MEGF11: variants seen among roughly 807,000 people sequenced by gnomAD.
MEGF11 encodes multiple epidermal growth factor-like domains protein 11.
MEGF11 carries 126 observed loss-of-function variants against 146.6 expected under a neutral mutation model. The ratio of observed to expected loss-of-function variants is 0.86; its 90% confidence interval spans 0.74 to 1.00. The LOEUF (loss-of-function observed/expected upper bound fraction) is 1.00. Ranked by LOEUF, MEGF11 falls within the 50% of genes least tolerant of loss-of-function variation. The pLI is 0.00. For synonymous variants in MEGF11, 532 were observed against 583.4 expected, an observed-to-expected ratio of 0.91 and a Z score of 1.27; for missense variants, 1,509 against 1,521.2, an observed-to-expected ratio of 0.99 and a Z score of 0.13.
At chr15:65,963,567 C>T (rs1044317290) in intron 9 of MEGF11, among the ~76,000 whole-genome samples, 2 of 152,048 alleles carry the variant, frequency 1.3e-5, no homozygotes, top group African/African-American at 4.8e-5. Flanking sequence ...CTATGCCTCA[C>T]TACTGGTATT....
At chr15:65,913,592 G>T in intron 20 of MEGF11, 145 bp downstream of exon 20, 1 of 707,440 alleles carries the variant, frequency 1.4e-6, no homozygotes, top group Non-Finnish European at 2.4e-6. Flanking sequence ...CTCTAGGTAG[G>T]CTCCTGCTCC....
At chr15:65,984,239 C>G (rs2141703906) in intron 5 of MEGF11, among the ~76,000 whole-genome samples, 1 of 152,262 alleles carries the variant, frequency 6.6e-6, no homozygotes, top group South Asian at 2.1e-4. Context: ...AAAAGGCTCA[C>G]AGAAGGCTGG....
chr15:66,160,567 A>G (rs1484721349), intron 1 of MEGF11, among the ~76,000 whole-genome samples: 1 of 151,904 alleles, frequency 6.6e-6, no homozygotes, highest in Non-Finnish European at 1.5e-5. Context: ...CCATGAGGGT[A>G]AGGTAGAATA....
In MEGF11 at chr15:65,898,748, T is replaced by C; in HGVS notation, c.3242A>G (p.Asn1081Ser). ...CCTACCAACTTCATATATATTTTTATTAGATGTCGACAAGGATGGCACATC... is the reference window on the plus strand; with the variant it reads ...CCTACCAACTTCATATATATTTTTACTAGATGTCGACAAGGATGGCACATC... ...YTDVPSLSTS[N>S]KNIYEVEPTV... is the part of the protein sequence containing the mutation. The change falls in exon 25 of 26, where the codon AAT (asparagine) becomes AGT (serine). Residue 1081 changes from asparagine (N) to serine (S), a missense_variant. By Grantham distance (46) the Asn-to-Ser change is conservative (BLOSUM62 1). Transcript: ENST00000395614. The C allele has an allele frequency of 1.2e-6, 2 of 1,613,944 alleles. No homozygotes were observed. Among genetic ancestry groups the C allele is most frequent in the Non-Finnish European group, 1.7e-6 (2 of 1,179,816 alleles).
At chr15:66,126,024 G>T (rs1003021965) in intron 2 of MEGF11, among the ~76,000 whole-genome samples, 2 of 152,212 alleles carry the variant, frequency 1.3e-5, no homozygotes, top group Non-Finnish European at 2.9e-5. Context: ...TCATGGCTGG[G>T]TGGCTTAACA....
intron 4 of MEGF11, among the ~76,000 whole-genome samples, chr15:66,107,992 T>C (rs2087180025): frequency 6.6e-6 from 1 of 151,866 alleles, no homozygotes; most frequent in Non-Finnish European, 1.5e-5. Flanking sequence ...CGAGTGGGGC[T>C]CCCAGAGAAT....
At chr15:66,159,397 C>T (rs2089875456) in intron 1 of MEGF11, among the ~76,000 whole-genome samples, 1 of 152,220 alleles carries the variant, frequency 6.6e-6, no homozygotes, top group South Asian at 2.1e-4. Context: ...CAAGAACCTC[C>T]AGAAATGAAT....
intron 11 of MEGF11, among the ~76,000 whole-genome samples, chr15:65,930,320 A>C (rs1388191077): frequency 5.3e-5 from 8 of 152,082 alleles, no homozygotes; most frequent in Admixed American, 5.2e-4. Context: ...TGCACATCCC[A>C]GGCTCCCCCT....
chr15:66,165,536 C>T (rs1031737693), intron 1 of MEGF11, among the ~76,000 whole-genome samples: 1 of 152,226 alleles, frequency 6.6e-6, no homozygotes, highest in Non-Finnish European at 1.5e-5. Flanking sequence ...CTTCCTCTCT[C>T]ATTACCTCTG....
chr15:65,914,028 T>C (rs2078909318), intron 19 of MEGF11, 55 bp from the exon 20 acceptor site: 2 of 1,440,608 alleles, frequency 1.4e-6, no homozygotes, highest in Admixed American at 1.7e-5. Context: ...GCTTCAGGTC[T>C]CCTGGGCCTG....
intron 7 of MEGF11, among the ~76,000 whole-genome samples, chr15:65,980,098 A>T (rs1364095182): frequency 6.6e-6 from 1 of 152,182 alleles, no homozygotes; most frequent in African/African-American, 2.4e-5. Flanking sequence ...GGTCATCCAT[A>T]CCTGCTGTTT....
At chr15:66,050,999 G>A (rs1262232713) in intron 5 of MEGF11, among the ~76,000 whole-genome samples, 1 of 152,220 alleles carries the variant, frequency 6.6e-6, no homozygotes, top group Non-Finnish European at 1.5e-5. Flanking sequence ...ATGACTGAGG[G>A]CATCCAGTTC....
intron 5 of MEGF11, among the ~76,000 whole-genome samples, chr15:66,072,738 T>G (rs1313764438): frequency 6.6e-6 from 1 of 152,184 alleles, no homozygotes; most frequent in Non-Finnish European, 1.5e-5. Context: ...TTTTCTAGCT[T>G]TACAGAGCTT....
In MEGF11 at chr15:66,218,981, A is replaced by AAAAAAAAAAAAACAAAC. The variant is rs2091660325; in HGVS notation, c.-9+34623_-9+34624insGTTTGTTTTTTTTTTTT. On this transcript the variant is annotated intron_variant, in intron 1 of 25. Coordinates refer to ENST00000395614, the MANE Select transcript of MEGF11 (RefSeq NM_001385028.1). ...CAGAACAACTGGATATCCACAGGCAAAAAAAAAAAAAAAAACCTTAACCTA... is the reference window on the plus strand; with the variant it reads ...CAGAACAACTGGATATCCACAGGCAAAAAAAAAAAAAACAAACAAAAAAAAAAAAAAACCTTAACCTA... 2.7e-5 allele frequency among the ~76,000 whole-genome samples: 4 copies of AAAAAAAAAAAAACAAAC among 149,440 alleles called. 1 individual carries two copies. The highest frequency in any genetic ancestry group is 9.9e-5 in the African/African-American group (4 of 40,230).
At chr15:65,955,978 T>C (rs1205691533) in intron 10 of MEGF11, among the ~76,000 whole-genome samples, 1 of 151,718 alleles carries the variant, frequency 6.6e-6, no homozygotes, top group Admixed American at 6.6e-5. Flanking sequence ...TTCTGGGCCT[T>C]GCTCTGCAGA....
intron 5 of MEGF11, among the ~76,000 whole-genome samples, chr15:66,054,253 G>T (rs1326385049): frequency 6.6e-6 from 1 of 152,150 alleles, no homozygotes. Context: ...AGTCCACCCT[G>T]TACTCTAGCC....
At chr15:66,109,342 G>C (rs1010376178) in intron 4 of MEGF11, among the ~76,000 whole-genome samples, 1 of 152,144 alleles carries the variant, frequency 6.6e-6, no homozygotes, top group Non-Finnish European at 1.5e-5. Context: ...GATTGTCCGG[G>C]CAGTGTCCTG....
chr15:66,112,233 A>G (rs149478566), intron 4 of MEGF11, among the ~76,000 whole-genome samples: 52 of 152,318 alleles, frequency 3.4e-4, no homozygotes, highest in African/African-American at 1.2e-3. Context: ...TAAAAGAAAT[A>G]TGTTTAAAAT....
intron 4 of MEGF11, among the ~76,000 whole-genome samples, chr15:66,100,867 G>GGTGGGTGA (rs1567240442): frequency 1.5e-5 from 2 of 132,596 alleles, no homozygotes; most frequent in East Asian, 5.5e-4. Context: ...TGGGTGGGTG[G>GGTGGGTGA]GTGGGTGAGT....
Sources: allele counts gnomAD v4.1 joint callset (sites outside exome capture counted in the v4.1 genomes callset), GRCh38; gene constraint gnomAD v4.1.1; transcripts MANE v1.5; gene names NCBI Gene and HGNC (gene_info 2026-07-23, HGNC 2026-07-21).